The following ERBB4 variants were observed in gnomAD, a reference collection of about 807,000 sequenced individuals.
The protein encoded by ERBB4 is receptor tyrosine-protein kinase erbB-4.
Under a neutral mutation model 158.0 loss-of-function variants are expected in ERBB4, and 42 were observed. The ratio of observed to expected loss-of-function variants is 0.27; its 90% confidence interval spans 0.21 to 0.34. The LOEUF (loss-of-function observed/expected upper bound fraction) is 0.34, where lower values mean the gene tolerates loss of function less well. Ranked by LOEUF, ERBB4 falls within the 10% of genes least tolerant of loss-of-function variation. ERBB4 has a pLI of 1.00. For missense variants in ERBB4, 1,333 were observed against 1,624.1 expected (o/e 0.82, Z 3.08); for synonymous variants, 583 against 558.7 (o/e 1.04, Z -0.61).
At chr2:211,745,252 T>C (rs2074930345) in intron 5 of ERBB4, among the ~76,000 whole-genome samples, 1 of 152,194 alleles carries the variant, frequency 6.6e-6, no homozygotes, top group Non-Finnish European at 1.5e-5. Context: ...TGTTATGGAA[T>C]CTCTCGTGAG....
chr2:212,112,148 C>T (rs1452710341), intron 2 of ERBB4, among the ~76,000 whole-genome samples: 4 of 152,126 alleles, frequency 2.6e-5, no homozygotes, highest in East Asian at 1.9e-4. Flanking sequence ...TCTTAGCCTC[C>T]GGAATAGGTA....
At chr2:212,226,132 A>G (rs757925459) in intron 1 of ERBB4, among the ~76,000 whole-genome samples, 5 of 152,142 alleles carry the variant, frequency 3.3e-5, no homozygotes, top group Non-Finnish European at 5.9e-5. Flanking sequence ...TCAACTGTCT[A>G]CGGAGGAAGC....
intron 1 of ERBB4, among the ~76,000 whole-genome samples, chr2:212,355,294 G>A (rs1461191344): frequency 2.6e-5 from 4 of 151,964 alleles, no homozygotes; most frequent in South Asian, 2.1e-4. Flanking sequence ...CTAGGGTTTT[G>A]TACTACAGTA....
At chr2:212,409,617 CT>C (rs1317587562) in intron 1 of ERBB4, among the ~76,000 whole-genome samples, 3 of 152,048 alleles carry the variant, frequency 2.0e-5, no homozygotes, top group Admixed American at 6.6e-5. Flanking sequence ...ACAGTGATGT[CT>C]GGTCTATCTA....
chr2:211,567,631 T>C (rs2125736134), intron 19 of ERBB4, among the ~76,000 whole-genome samples: 1 of 152,228 alleles, frequency 6.6e-6, no homozygotes, highest in East Asian at 1.9e-4. Flanking sequence ...TTTTTAAAAA[T>C]CTGTTAGTAA....
At chr2:211,859,012 C>G (rs1308644515) in intron 3 of ERBB4, among the ~76,000 whole-genome samples, 2 of 152,126 alleles carry the variant, frequency 1.3e-5, no homozygotes, top group African/African-American at 4.8e-5. Flanking sequence ...GAACTCCTGA[C>G]CTCAGGTGAT....
intron 2 of ERBB4, among the ~76,000 whole-genome samples, chr2:212,004,806 A>G (rs1230826850): frequency 2.0e-5 from 3 of 151,972 alleles, no homozygotes; most frequent in Non-Finnish European, 4.4e-5. Context: ...AATCCCCTTT[A>G]GCCTAACTTA....
chr2:211,450,715 G>A (rs1183267797), intron 20 of ERBB4, among the ~76,000 whole-genome samples: 1 of 152,056 alleles, frequency 6.6e-6, no homozygotes, highest in Non-Finnish European at 1.5e-5. Flanking sequence ...TATGTCCTCG[G>A]AGAGGCCTTC....
chr2:211,380,733 ATTTGGGTCATTT>A lies in ERBB4; in HGVS notation c.*2870_*2881del, dbSNP rs576233637. 8.6e-6 allele frequency: 2 copies of A among 232,070 alleles called. No homozygotes were observed. The highest frequency in any genetic ancestry group is 3.6e-4 in the South Asian group (2 of 5,526). 14.4% of individuals were successfully genotyped at this position (232,070 alleles called of 1,614,324 possible). A position where few individuals can be genotyped will look rare whatever the true frequency, so the allele number is the denominator to read the frequency against. ...TTATAAAGTGGTGCTATTATAAAGC[ATTTGGGTCATTT>A]TGGATTATTCCTACATGCATCTCTA... On this transcript the variant is annotated 3_prime_UTR_variant, in exon 28 of 28. Coordinates refer to ENST00000342788, the MANE Select transcript of ERBB4 (RefSeq NM_005235.3).
At chr2:212,516,922 T>G (rs1242622280) in intron 1 of ERBB4, among the ~76,000 whole-genome samples, 1 of 152,148 alleles carries the variant, frequency 6.6e-6, no homozygotes, top group Non-Finnish European at 1.5e-5. Flanking sequence ...CTATGCAGAA[T>G]GAACTGAATT....
At chr2:212,511,062 A>C (rs931050530) in intron 1 of ERBB4, among the ~76,000 whole-genome samples, 1 of 152,170 alleles carries the variant, frequency 6.6e-6, no homozygotes, top group Non-Finnish European at 1.5e-5. Flanking sequence ...ACTCAAAAAA[A>C]CGGATATTTT....
chr2:212,016,629 G>A (rs1356744920), intron 2 of ERBB4, among the ~76,000 whole-genome samples: 1 of 151,782 alleles, frequency 6.6e-6, no homozygotes, highest in Non-Finnish European at 1.5e-5. Flanking sequence ...GGAGGAGAGG[G>A]GTGGACAAAT....
chr2:211,617,090 G>C (rs2069419770), intron 19 of ERBB4, among the ~76,000 whole-genome samples: 1 of 151,998 alleles, frequency 6.6e-6, no homozygotes, highest in Admixed American at 6.6e-5. Context: ...TCAAAATCAT[G>C]ATGAGGATTT....
intron 19 of ERBB4, among the ~76,000 whole-genome samples, chr2:211,595,648 C>T (rs923527682): frequency 4.6e-5 from 7 of 152,114 alleles, no homozygotes; most frequent in Non-Finnish European, 7.4e-5. Flanking sequence ...TACAGTTAAC[C>T]TCTGAAGAAC....
intron 3 of ERBB4, among the ~76,000 whole-genome samples, chr2:211,809,051 T>C (rs1483302276): frequency 2.0e-5 from 3 of 152,232 alleles, no homozygotes; most frequent in Admixed American, 6.5e-5. Flanking sequence ...GTTTTCTAAA[T>C]GTACAGTCAT....
At chr2:212,100,881 C>A (rs1280276286) in intron 2 of ERBB4, among the ~76,000 whole-genome samples, 2 of 152,236 alleles carry the variant, frequency 1.3e-5, no homozygotes, top group East Asian at 3.9e-4. Flanking sequence ...TGGAAGGTTA[C>A]TATTCTCAAG....
chr2:211,426,125 A>AATAAACAGCAACATAT (rs59567054), intron 22 of ERBB4, among the ~76,000 whole-genome samples: 7 of 151,922 alleles, frequency 4.6e-5, no homozygotes, highest in African/African-American at 1.2e-4. Context: ...TAGAAAATAT[A>AATAAACAGCAACATAT]AAATACAAAA....
intron 20 of ERBB4, among the ~76,000 whole-genome samples, chr2:211,494,695 T>A (rs1246851057): frequency 6.6e-6 from 1 of 152,106 alleles, no homozygotes; most frequent in Non-Finnish European, 1.5e-5. Context: ...TTAAAAGGCG[T>A]TTGTTGTGAG....
At chr2:212,282,582 T>C (rs955775521) in intron 1 of ERBB4, among the ~76,000 whole-genome samples, 4 of 151,924 alleles carry the variant, frequency 2.6e-5, no homozygotes, top group Non-Finnish European at 5.9e-5. Flanking sequence ...ATATACTTGT[T>C]ATTTACTATG....
Sources: gnomAD v4.1 joint callset for allele counts (sites outside exome capture counted in the v4.1 genomes callset) on GRCh38, gnomAD v4.1.1 for gene constraint, MANE v1.5 for transcripts, NCBI Gene and HGNC (gene_info 2026-07-23, HGNC 2026-07-21) for gene names.